The following BOP1 variants were observed in gnomAD, a reference collection of about 807,000 sequenced individuals.
BOP1 encodes BOP1 ribosomal biogenesis factor, also known as ribosome biogenesis protein BOP1.
A neutral mutation model predicts 82.9 loss-of-function variants in BOP1; 54 were observed. The observed-to-expected ratio is 0.65, with a 90% CI of 0.52 to 0.82. BOP1 has a LOEUF of 0.82. Among genes scored for constraint, BOP1 ranks in the 40% least tolerant of loss-of-function variants. BOP1 has a pLI of 0.00. For synonymous variants in BOP1, 566 were observed against 451.1 expected (o/e 1.25, Z -3.23); for missense variants, 1,170 against 1,072.0 (o/e 1.09, Z -1.28).
chr8:144,278,305 C>T (rs999339802), intron 2 of BOP1, among the ~76,000 whole-genome samples: 9 of 152,176 alleles, frequency 5.9e-5, no homozygotes, highest in African/African-American at 1.4e-4. Context: ...CTGAACCCTG[C>T]GTGGCCTCTG....
At chr8:144,276,972 C>T (rs1290681540) in intron 2 of BOP1, among the ~76,000 whole-genome samples, 2 of 152,206 alleles carry the variant, frequency 1.3e-5, no homozygotes, top group East Asian at 3.8e-4. Context: ...ACAGAGTGGG[C>T]GCCACTGAGA....
intron 2 of BOP1, among the ~76,000 whole-genome samples, chr8:144,288,423 G>A (rs1201948014): frequency 1.3e-5 from 2 of 150,990 alleles, no homozygotes; most frequent in African/African-American, 2.4e-5. Flanking sequence ...AGCTACTAGA[G>A]AGGCTGAGGC....
chr8:144,274,983 G>A (rs1411789365), intron 3 of BOP1, among the ~76,000 whole-genome samples: 4 of 152,294 alleles, frequency 2.6e-5, no homozygotes, highest in African/African-American at 7.2e-5. Context: ...CCGCTGCTCC[G>A]GCCAGGAAAC....
chr8:144,291,193 G>T lies in BOP1; in HGVS notation c.99+79C>A. The T allele has an allele frequency of 7.9e-7, 1 of 1,258,514 alleles. No homozygotes were observed. The highest frequency in any genetic ancestry group is 1.0e-6 in the Non-Finnish European group (1 of 986,814). The allele number at this position is 1,258,514 out of a possible 1,614,324, so 78.0% of individuals were successfully genotyped here. Reference sequence around the variant, plus strand: ...CGGGCGCCCAGGTGACAGAAGCCGGGCCCACCCGCCCCAGCGCGGCCACGT... The same window carrying T: ...CGGGCGCCCAGGTGACAGAAGCCGGTCCCACCCGCCCCAGCGCGGCCACGT... On this transcript the variant is annotated intron_variant, in intron 1 of 15. Transcript: ENST00000569669. This position sits in a 1 kb window ranked among gnomAD's most constrained non-coding sequence, Gnocchi z 4.1.
chr8:144,287,062 T>G (rs1814903791), intron 2 of BOP1, among the ~76,000 whole-genome samples: 1 of 152,236 alleles, frequency 6.6e-6, no homozygotes, highest in Admixed American at 6.5e-5. Context: ...CAGACTGGAG[T>G]GCAGTGGTGA....
At chr8:144,277,163 GCCCCCA>G (rs1381982788) in intron 2 of BOP1, among the ~76,000 whole-genome samples, 1 of 137,652 alleles carries the variant, frequency 7.3e-6, no homozygotes, top group East Asian at 2.3e-4. Flanking sequence ...GCACGCCCCC[GCCCCCA>G]CCCCGAGCCC....
chr8:144,269,879 G>A (rs1317066398), intron 3 of BOP1, among the ~76,000 whole-genome samples: 2 of 152,184 alleles, frequency 1.3e-5, no homozygotes, highest in Non-Finnish European at 2.9e-5. Flanking sequence ...GGTGGACCCA[G>A]GAGCATGGCC....
chr8:144,278,686 C>G (rs1320895039), intron 2 of BOP1, among the ~76,000 whole-genome samples: 1 of 152,170 alleles, frequency 6.6e-6, no homozygotes, highest in Non-Finnish European at 1.5e-5. Context: ...GCCAAGGACA[C>G]CAAGACAACC....
rs367951392 is a variant in BOP1, at chr8:144,273,161, C to T, written c.390+3063G>A. Among the ~76,000 whole-genome samples, 10 of 152,156 alleles carry T rather than the reference C, an allele frequency of 6.6e-5. 1 individual carries two copies. Among genetic ancestry groups the T allele is most frequent in the South Asian group, 4.1e-4 (2 of 4,834 alleles). The stretch of plus-strand genomic sequence containing the variant: ...CAAGCCTGAGTGCGCGGGGCCAGGA[C>T]GCGGGGGCGGGGGCGGCCCGGAGGA... On this transcript the variant is annotated intron_variant, in intron 3 of 15. Transcript: ENST00000569669.
At position 144,262,284 on chromosome 8, in the gene BOP1, G is replaced by C; in HGVS notation, c.2121C>G (p.Val707=). ...DLLQNPLLVP[V]KVLKGHVLTR... ...TCAGCACGTGTCCCTTCAGCACCTTGACGGGCACCAGCAAGGGGTTCTGCA... is the reference window on the plus strand; with the variant it reads ...TCAGCACGTGTCCCTTCAGCACCTTCACGGGCACCAGCAAGGGGTTCTGCA... Residue 707 remains valine, a synonymous_variant, in exon 16 of 16, where the codon GTC becomes GTG. Coordinates refer to ENST00000569669, the MANE Select transcript of BOP1 (RefSeq NM_015201.5). 1 of 1,612,924 alleles carries C rather than the reference G, an allele frequency of 6.2e-7. No homozygotes were observed. The highest frequency in any genetic ancestry group is 1.1e-5 in the South Asian group (1 of 91,056).
Position 144,264,257 on chromosome 8 carries a change from G to T in BOP1, c.946C>A (p.Pro316Thr). The T allele has an allele frequency of 6.2e-7, 1 of 1,610,686 alleles. No homozygotes were observed. Among genetic ancestry groups the T allele is most frequent in the Admixed American group, 1.7e-5 (1 of 59,822 alleles). The change falls in exon 7 of 16, where the codon CCA (proline) becomes ACA (threonine). Residue 316 changes from proline to threonine, a missense_variant. Transcript: ENST00000569669. ...TCGCTGAGCAGGTATTCAGGGGGTGGGTTGTACGACTCGGCGTGGCCTGGC... is the reference window on the plus strand; with the variant it reads ...TCGCTGAGCAGGTATTCAGGGGGTGTGTTGTACGACTCGGCGTGGCCTGGC... ...ALPGHAESYN[P>T]PPEYLLSEEE...
intron 3 of BOP1, chr8:144,266,788 C>T: frequency 6.4e-6 from 7 of 1,101,808 alleles, no homozygotes; most frequent in African/African-American, 1.7e-5. Flanking sequence ...GGCGGGGGGC[C>T]GGCGGGCCGG....
intron 3 of BOP1, among the ~76,000 whole-genome samples, chr8:144,269,103 C>T (rs1004281487): frequency 1.9e-3 from 297 of 152,352 alleles, no homozygotes; most frequent in African/African-American, 6.7e-3. Context: ...CCCACCACCA[C>T]GGCCCATCCA....
At position 144,263,979 on chromosome 8, in the gene BOP1, A is replaced by C; in HGVS notation, c.1140+2T>G. The C allele has an allele frequency of 1.2e-6, 2 of 1,608,994 alleles. No homozygotes were observed. Among genetic ancestry groups the C allele is most frequent in the Non-Finnish European group, 1.7e-6 (2 of 1,179,578 alleles). ...CCCCCCTGGTGTGCCACCCCCACACACCCTCATCTTGCGCTGCCGTGGGCA... is the reference window on the plus strand; with the variant it reads ...CCCCCCTGGTGTGCCACCCCCACACCCCCTCATCTTGCGCTGCCGTGGGCA... On this transcript the variant is annotated splice_donor_variant, in intron 8 of 15. Coordinates refer to ENST00000569669, the MANE Select transcript of BOP1 (RefSeq NM_015201.5). LOFTEE classifies it high-confidence loss of function.
intron 5 of BOP1, 39 bp from the exon 6 acceptor site, chr8:144,264,655 G>A (rs1458661876): frequency 1.2e-5 from 19 of 1,569,628 alleles, no homozygotes; most frequent in Non-Finnish European, 1.6e-5. Flanking sequence ...CAGAGTGGCT[G>A]AGGCCCTGCT....
rs1396996173 is a variant in BOP1, at chr8:144,264,142, G to A, written c.979C>T (p.Arg327Cys). The A allele has an allele frequency of 1.5e-5, 24 of 1,610,608 alleles. No homozygotes were observed. Among genetic ancestry groups the A allele is most frequent in the Middle Eastern group, 1.8e-4 (1 of 5,714 alleles). Residue 327 changes from arginine (R) to cysteine (C), a missense_variant and splice_region_variant, in exon 8 of 16, where the codon CGC becomes TGC. Transcript: ENST00000569669. The part of the protein sequence containing the change: ...PPEYLLSEEE[R>C]LAWEQQEPGE... The stretch of plus-strand genomic sequence containing the variant: ...GGCTCCTGCTGTTCCCACGCCAAGC[G>A]CTGTGGAGACCAAGACACAGGGGTG...
At chr8:144,272,253 G>A (rs1197102033) in intron 3 of BOP1, among the ~76,000 whole-genome samples, 1 of 152,010 alleles carries the variant, frequency 6.6e-6, no homozygotes, top group Non-Finnish European at 1.5e-5. Flanking sequence ...GTGGGGTGGG[G>A]ACAGGGCTCT....
intron 3 of BOP1, chr8:144,267,971 G>T: frequency 7.2e-7 from 1 of 1,382,114 alleles, no homozygotes; most frequent in South Asian, 1.2e-5. Flanking sequence ...AACGCTTGAG[G>T]GAAGCTGGGG....
chr8:144,262,577 G>T lies in BOP1; in HGVS notation c.1979+11C>A. The T allele has an allele frequency of 6.2e-7, 1 of 1,613,286 alleles. No individual in the cohort carries two copies. The highest frequency in any genetic ancestry group is 1.7e-5 in the Admixed American group (1 of 60,004). On this transcript the variant is annotated intron_variant, in intron 14 of 15. Transcript: ENST00000569669. Reference sequence around the variant, plus strand: ...GCTCTGCTGGCCGCCTCCACCCCCAGCTTTCCTCACCTCAGCATCCTGTAT... The same window carrying T: ...GCTCTGCTGGCCGCCTCCACCCCCATCTTTCCTCACCTCAGCATCCTGTAT...
Sources: gnomAD v4.1 joint callset for allele counts (sites outside exome capture counted in the v4.1 genomes callset) on GRCh38, gnomAD v4.1.1 for gene constraint, Gnocchi (gnomAD v3.1) non-coding constraint, MANE v1.5 for transcripts, NCBI Gene and HGNC (gene_info 2026-07-23, HGNC 2026-07-21) for gene names.